SUGP2: variants seen among roughly 807,000 people sequenced by gnomAD.
SUGP2 encodes the protein SURP and G-patch domain containing 2.
A neutral mutation model predicts 90.5 loss-of-function variants in SUGP2; 24 were observed. That is an observed-to-expected ratio of 0.27 (90% confidence interval 0.19 to 0.37). The LOEUF is 0.37. Among genes scored for constraint, SUGP2 ranks in the 10% least tolerant of loss-of-function variants. SUGP2 has a pLI of 1.00. For synonymous variants in SUGP2, 473 were observed against 513.4 expected, an observed-to-expected ratio of 0.92 and a Z score of 1.06; for missense variants, 1,233 against 1,363.3, an observed-to-expected ratio of 0.90 and a Z score of 1.51.
chr19:19,004,379 G>T lies in SUGP2; in HGVS notation c.2718C>A (p.Ala906=). Residue 906 remains alanine (A), a synonymous_variant, in exon 7 of 11, where the codon GCC becomes GCA. Transcript: ENST00000452918. The part of the protein sequence containing the change: ...DEDDEDGGEE[A]PAPGGAGKSE... ...ACTTGCCCGCCCCTCCAGGAGCGGG[G>T]GCCTCCTCTCCCCCATCCTCATCGT... is the stretch of plus-strand genomic sequence containing the variant. 6.2e-7 allele frequency: 1 copy of T among 1,613,868 alleles called. No homozygotes were observed. Among genetic ancestry groups the T allele is most frequent in the South Asian group, 1.1e-5 (1 of 91,076 alleles).
chr19:19,009,579 A>G (rs1013722296), intron 5 of SUGP2, among the ~76,000 whole-genome samples: 6 of 152,200 alleles, frequency 3.9e-5, no homozygotes, highest in Non-Finnish European at 7.3e-5. Flanking sequence ...CCACGGCCCC[A>G]GCAGCAGGAC....
rs1473845651 is a variant in SUGP2, at chr19:19,024,670, G to A, written c.1678C>T (p.Pro560Ser). Reference protein sequence around the residue: ...EPMREEEKMIPPTKPEIQAKA... With the variant: ...EPMREEEKMISPTKPEIQAKA... ...GCCTGAATTTCAGGTTTCGTAGGAG[G>A]AATCATTTTCTCCTCCTCTCGCATC... The change falls in exon 3 of 11, where the codon CCT becomes TCT. Residue 560 changes from proline (P) to serine (S), a missense_variant. Pro to Ser is a moderately conservative substitution (Grantham distance 74). Around this residue, in one of 8 missense-constraint regions of SUGP2, gnomAD observed 540 missense variants for 542.6 expected, o/e 1.00. Coordinates refer to ENST00000452918, the MANE Select transcript of SUGP2 (RefSeq NM_001017392.5). 6.2e-7 allele frequency: 1 copy of A among 1,614,144 alleles called. No homozygotes were observed. Among genetic ancestry groups the A allele is most frequent in the Non-Finnish European group, 8.5e-7 (1 of 1,180,034 alleles).
chr19:19,027,692 C>T (rs1344142654), intron 2 of SUGP2, among the ~76,000 whole-genome samples: 1 of 151,024 alleles, frequency 6.6e-6, no homozygotes, highest in Non-Finnish European at 1.5e-5. Flanking sequence ...TGCCGGAGTG[C>T]AAGGGTGCGA....
Position 19,004,494 on chromosome 19 carries a change from A to G in SUGP2, c.2603T>C (p.Met868Thr), listed in dbSNP as rs530063169. ...GTCTTCAAACTCTGCTTCCCCTTCC[A>G]TGAGGTCCACGGGGCTCTCCTGAGA... The part of the protein sequence containing the change: ...TGSQESPVDL[M>T]EGEAEFEDEP... The change falls in exon 7 of 11, where the codon ATG becomes ACG. Residue 868 changes from methionine (M) to threonine (T), a missense_variant. This residue lies in a region of SUGP2 where 540 missense variants were observed against 542.6 expected (regional missense o/e 1.00). Transcript: ENST00000452918. 1.9e-6 allele frequency: 3 copies of G among 1,614,056 alleles called. No homozygotes were observed. Among genetic ancestry groups the G allele is most frequent in the South Asian group, 1.1e-5 (1 of 91,076 alleles).
intron 8 of SUGP2, among the ~76,000 whole-genome samples, chr19:18,996,819 G>C (rs1482673705): frequency 6.6e-6 from 1 of 152,184 alleles, no homozygotes; most frequent in Non-Finnish European, 1.5e-5. Context: ...GCCTCACAAA[G>C]TGCTGGGATT....
At chr19:19,015,445 TC>T (rs778942879) in intron 4 of SUGP2, among the ~76,000 whole-genome samples, 7 of 152,098 alleles carry the variant, frequency 4.6e-5, no homozygotes, top group African/African-American at 7.2e-5. Context: ...TTTAGCAGTT[TC>T]TTTACTTATT....
At position 18,991,394 on chromosome 19, in the gene SUGP2, A is replaced by T. The variant is rs1192559705; in HGVS notation, c.*2347T>A. On this transcript the variant is annotated 3_prime_UTR_variant, in exon 11 of 11. Transcript: ENST00000452918. ...TGCCCCAGCGCTGAATCCACAGGAG[A>T]GGTGTCCTCTGAGAGTGTAGGGGGC... The T allele has an allele frequency of 6.6e-6, 1 of 152,186 alleles. No homozygotes were observed. Among genetic ancestry groups the T allele is most frequent in the Admixed American group, 6.5e-5 (1 of 15,274 alleles). The allele number at this position is 152,186 out of a possible 1,614,324, so 9.4% of individuals were successfully genotyped here.
rs764469252 is a variant in SUGP2, at chr19:19,025,582, G to C, written c.766C>G (p.Pro256Ala). 6.2e-7 allele frequency: 1 copy of C among 1,613,982 alleles called. No homozygotes were observed. Among genetic ancestry groups the C allele is most frequent in the Non-Finnish European group, 8.5e-7 (1 of 1,179,986 alleles). ...TTGGGAGTAATACGATTCACGGTGGGTATTTTTTTTGTGCTCACATTTCTC... is the reference window on the plus strand; with the variant it reads ...TTGGGAGTAATACGATTCACGGTGGCTATTTTTTTTGTGCTCACATTTCTC... ...TLRNVSTKKI[P>A]TVNRITPKTQ... The change falls in exon 3 of 11, where the codon CCC becomes GCC. Residue 256 changes from proline to alanine, a missense_variant. Pro to Ala is a conservative substitution (Grantham distance 27). This residue lies in a region of SUGP2 where 418 missense variants were observed against 399.9 expected (regional missense o/e 1.05). Coordinates refer to ENST00000452918, the MANE Select transcript of SUGP2 (RefSeq NM_001017392.5).
chr19:18,997,635 TA>T (rs963273194), intron 8 of SUGP2, among the ~76,000 whole-genome samples: 63 of 151,828 alleles, frequency 4.1e-4, no homozygotes, highest in African/African-American at 1.5e-3. Context: ...ATACAAAAAT[TA>T]GCCAGGTGTG....
At chr19:19,031,817 T>C (rs116054532) in intron 1 of SUGP2, among the ~76,000 whole-genome samples, 3,412 of 137,750 alleles carry the variant, frequency 0.025, 131 homozygotes, top group African/African-American at 0.088. Context: ...GGACCCTTTT[T>C]ATTTATCTTT....
chr19:19,004,035 T>A, intron 7 of SUGP2, 133 bp downstream of exon 7: 1 of 692,158 alleles, frequency 1.4e-6, no homozygotes, highest in Non-Finnish European at 2.4e-6. Flanking sequence ...GAAACATGAG[T>A]GTCGGCTCAC....
chr19:19,004,168 C>T lies in SUGP2; in HGVS notation c.2929G>A (p.Val977Ile). 6.5e-7 allele frequency: 1 copy of T among 1,548,152 alleles called. No homozygotes were observed. The highest frequency in any genetic ancestry group is 8.7e-7 in the Non-Finnish European group (1 of 1,145,294). ...ACTGTGCCGACAGGCGGGCACTCACCTTTTGGCTCCTGGATGAGACACACT... is the reference window on the plus strand; with the variant it reads ...ACTGTGCCGACAGGCGGGCACTCACTTTTTGGCTCCTGGATGAGACACACT... ...KRVCLIQEPK[V>I]HEPVRIAYDR... The change falls in exon 7 of 11, where the codon GTC becomes ATC. Residue 977 changes from valine (V) to isoleucine (I), a missense_variant and splice_region_variant. Physicochemically the swap from Val to Ile is conservative, Grantham distance 29. This residue lies in a region of SUGP2 where 105 missense variants were observed against 155.2 expected (regional missense o/e 0.68). Coordinates refer to ENST00000452918, the MANE Select transcript of SUGP2 (RefSeq NM_001017392.5).
At chr19:19,014,463 T>C (rs2058420967) in intron 4 of SUGP2, among the ~76,000 whole-genome samples, 1 of 152,080 alleles carries the variant, frequency 6.6e-6, no homozygotes, top group Non-Finnish European at 1.5e-5. Context: ...GCCCTTCTTA[T>C]ATCTGCCTCC....
intron 2 of SUGP2, among the ~76,000 whole-genome samples, chr19:19,026,561 C>T (rs1206263536): frequency 6.6e-6 from 1 of 152,292 alleles, no homozygotes; most frequent in South Asian, 2.1e-4. Context: ...TCATTCAGAT[C>T]CCCCTACTCT....
intron 5 of SUGP2, among the ~76,000 whole-genome samples, chr19:19,009,446 G>A (rs1407900246): frequency 6.6e-6 from 1 of 152,196 alleles, no homozygotes; most frequent in Non-Finnish European, 1.5e-5. Context: ...CGAACCCCAA[G>A]AACAGGAACT....
intron 3 of SUGP2, among the ~76,000 whole-genome samples, chr19:19,019,451 C>A (rs1435173511): frequency 1.3e-5 from 2 of 152,176 alleles, no homozygotes; most frequent in Non-Finnish European, 2.9e-5. Context: ...GAAACAGTCA[C>A]AGCTTTCAAT....
At chr19:19,023,004 G>A (rs965362072) in intron 3 of SUGP2, among the ~76,000 whole-genome samples, 5 of 152,216 alleles carry the variant, frequency 3.3e-5, no homozygotes, top group Admixed American at 1.3e-4. Context: ...TCTGGGCTGT[G>A]AGAGTCCATT....
intron 8 of SUGP2, chr19:18,998,953 A>G (rs1477692726): frequency 3.3e-5 from 5 of 152,314 alleles, no homozygotes; most frequent in Non-Finnish European, 7.3e-5. Flanking sequence ...GGCATCCGTC[A>G]GGCCCTTCTG....
chr19:19,022,362 G>A (rs915142581), intron 3 of SUGP2, among the ~76,000 whole-genome samples: 7 of 152,156 alleles, frequency 4.6e-5, no homozygotes, highest in African/African-American at 1.4e-4. Flanking sequence ...CACCTATCCC[G>A]CTATCCAGAC....
Sources: gnomAD v4.1 joint callset for allele counts (sites outside exome capture counted in the v4.1 genomes callset) on GRCh38, gnomAD v4.1.1 for gene constraint, gnomAD v4.1.1 regional missense constraint, MANE v1.5 for transcripts, NCBI Gene and HGNC (gene_info 2026-07-23, HGNC 2026-07-21) for gene names.